Variants in INO80 observed in about 807,000 individuals in gnomAD.
INO80 encodes chromatin-remodeling ATPase INO80.
Under a neutral mutation model 203.4 loss-of-function variants are expected in INO80, and 20 were observed. The observed-to-expected ratio is 0.10, with a 90% CI of 0.07 to 0.14. The LOEUF is 0.14. Ranked by LOEUF, INO80 falls within the 10% of genes least tolerant of loss-of-function variation. INO80 has a pLI of 1.00. For synonymous variants in INO80, 726 were observed against 685.2 expected (o/e 1.06, Z -0.93); for missense variants, 1,419 against 1,914.4 (o/e 0.74, Z 4.83).
chr15:41,076,907 G>C (rs1351616372), intron 9 of INO80, among the ~76,000 whole-genome samples: 1 of 152,084 alleles, frequency 6.6e-6, no homozygotes, highest in Admixed American at 6.6e-5. Flanking sequence ...TCATTATTTT[G>C]TTTTCTTTTT....
chr15:41,014,210 GA>G (rs1358713111), intron 27 of INO80, among the ~76,000 whole-genome samples: 1 of 152,122 alleles, frequency 6.6e-6, no homozygotes, highest in Non-Finnish European at 1.5e-5. Context: ...CATTCCCTTG[GA>G]ACTTTCCTTT....
At chr15:41,114,492 TGAGGTCAGGA>T (rs1454691544) in intron 1 of INO80, among the ~76,000 whole-genome samples, 8 of 151,628 alleles carry the variant, frequency 5.3e-5, no homozygotes, top group African/African-American at 1.9e-4. Flanking sequence ...GCGGATCACT[TGAGGTCAGGA>T]GTTCGAGACC....
chr15:41,076,599 A>T (rs1596312493), intron 9 of INO80, among the ~76,000 whole-genome samples: 1 of 152,074 alleles, frequency 6.6e-6, no homozygotes, highest in Admixed American at 6.6e-5. Flanking sequence ...AAAATTTGCC[A>T]GGCATGGTAG....
At chr15:41,005,197 AC>A (rs2044020647) in intron 28 of INO80, 1 of 87,082 alleles carries the variant, frequency 1.1e-5, no homozygotes, top group African/African-American at 3.8e-5. Flanking sequence ...TGTCTCACAC[AC>A]ACAAAAAAAA....
intron 14 of INO80, among the ~76,000 whole-genome samples, chr15:41,068,508 CAG>C (rs2045258955): frequency 6.6e-6 from 1 of 151,736 alleles, no homozygotes. Context: ...TTGCGGTGAG[CAG>C]AGTTTGCACC....
intron 23 of INO80, among the ~76,000 whole-genome samples, chr15:41,046,613 T>G (rs1467072258): frequency 6.6e-6 from 1 of 151,672 alleles, no homozygotes; most frequent in East Asian, 1.9e-4. Context: ...ATTACAGTCT[T>G]TTTGTTTGTT....
rs1186805131 is a variant in INO80, at chr15:41,066,305, C to A, written c.1782+3265G>T. ...TTTTTTTATAAGCTTGGTCTGCAGG[C>A]ATGCACTACCATATCCAACTAACTT... On this transcript the variant is annotated intron_variant, in intron 14 of 35. Transcript: ENST00000648947. Among the ~76,000 whole-genome samples the A allele has an allele frequency of 3.3e-5, 5 of 151,910 alleles. No individual in the cohort carries two copies. In the East Asian group the frequency reaches 5.8e-4, roughly 18 times the overall value.
chr15:40,982,753 G>T, intron 35 of INO80, 109 bp downstream of exon 35: 1 of 886,980 alleles, frequency 1.1e-6, no homozygotes, highest in East Asian at 2.4e-5. Context: ...TGGGGCTCTA[G>T]GAAGAAAGCT....
chr15:41,044,493 A>G (rs1218368257), intron 24 of INO80, among the ~76,000 whole-genome samples: 1 of 152,238 alleles, frequency 6.6e-6, no homozygotes, highest in Non-Finnish European at 1.5e-5. Flanking sequence ...AGGCAAAAAT[A>G]ATCTACGGTG....
At chr15:41,070,622 G>T in intron 12 of INO80, 75 bp from the exon 13 acceptor site, 2 of 1,207,922 alleles carry the variant, frequency 1.7e-6, no homozygotes, top group Admixed American at 1.7e-5. Flanking sequence ...CAAAAAGAAC[G>T]ACCAAGATAA....
chr15:41,015,520 C>T (rs575143315), intron 27 of INO80, among the ~76,000 whole-genome samples: 1 of 152,120 alleles, frequency 6.6e-6, no homozygotes, highest in South Asian at 2.1e-4. Flanking sequence ...AATGTCTTCC[C>T]TAGTAAAAGG....
intron 27 of INO80, among the ~76,000 whole-genome samples, chr15:41,006,587 G>A (rs535899408): frequency 6.6e-6 from 1 of 152,182 alleles, no homozygotes; most frequent in Non-Finnish European, 1.5e-5. Context: ...ATTTTCATAT[G>A]TAACTCTTAT....
intron 14 of INO80, among the ~76,000 whole-genome samples, chr15:41,061,467 A>AAAAAAAAC (rs2045106966): frequency 6.7e-6 from 1 of 149,776 alleles, no homozygotes. Flanking sequence ...AAAAAAAAAA[A>AAAAAAAAC]AAAAAATTAG....
intron 28 of INO80, among the ~76,000 whole-genome samples, chr15:41,003,816 C>T (rs2043999723): frequency 6.6e-6 from 1 of 152,126 alleles, no homozygotes; most frequent in African/African-American, 2.4e-5. Flanking sequence ...TACTTAATGG[C>T]TTTTCTCATA....
At chr15:41,096,996 T>C (rs2045735134) in intron 1 of INO80, among the ~76,000 whole-genome samples, 1 of 152,240 alleles carries the variant, frequency 6.6e-6, no homozygotes, top group African/African-American at 2.4e-5. Context: ...TACCTTACAT[T>C]GTTAAAGACA....
chr15:41,008,764 A>C (rs879426388), intron 27 of INO80, among the ~76,000 whole-genome samples: 3 of 152,192 alleles, frequency 2.0e-5, no homozygotes. Context: ...CAGCACTTGT[A>C]CCACCTGAGG....
At chr15:41,104,008 G>T (rs137999649) in intron 1 of INO80, among the ~76,000 whole-genome samples, 59 of 151,950 alleles carry the variant, frequency 3.9e-4, no homozygotes, top group Non-Finnish European at 6.9e-4. Flanking sequence ...CTGAGGTCAG[G>T]AGTTCGAGAC....
intron 24 of INO80, among the ~76,000 whole-genome samples, chr15:41,037,687 A>G (rs1266888227): frequency 1.3e-5 from 2 of 152,022 alleles, no homozygotes; most frequent in Admixed American, 1.3e-4. Flanking sequence ...TCACGCCTGT[A>G]ATCCCAGCAC....
intron 1 of INO80, among the ~76,000 whole-genome samples, chr15:41,114,770 A>C (rs1233136979): frequency 6.6e-6 from 1 of 152,194 alleles, no homozygotes; most frequent in African/African-American, 2.4e-5. Flanking sequence ...GAACCTTGAA[A>C]ACACCATGTT....
Sources: gnomAD v4.1 joint callset for allele counts (sites outside exome capture counted in the v4.1 genomes callset) on GRCh38, gnomAD v4.1.1 for gene constraint, MANE v1.5 for transcripts, NCBI Gene and HGNC (gene_info 2026-07-23, HGNC 2026-07-21) for gene names.